Variants in SEMA3D observed in about 807,000 individuals in gnomAD.
The protein encoded by SEMA3D is semaphorin 3D.
In SEMA3D, 84 loss-of-function variants were observed where a neutral mutation model predicts 100.1. That is an observed-to-expected ratio of 0.84 (90% confidence interval 0.70 to 1.01). SEMA3D has a LOEUF of 1.01. SEMA3D is among the 50% of genes least tolerant of loss of function. The pLI, the probability that SEMA3D is intolerant of heterozygous loss-of-function variation, is 0.00. For missense variants in SEMA3D, 875 were observed against 934.1 expected, an observed-to-expected ratio of 0.94 and a Z score of 0.82; for synonymous variants, 312 against 320.7, an observed-to-expected ratio of 0.97 and a Z score of 0.29.
Position 85,042,300 on chromosome 7 carries a change from A to T in SEMA3D, c.862-15T>A, listed in dbSNP as rs765037411. ...CCTACATCATTCTGACATGAAAAAA[A>T]AAATAAAGATAAATATTTATCAACA... On this transcript the variant is annotated splice_polypyrimidine_tract_variant and intron_variant, in intron 9 of 18. Transcript: ENST00000284136. 1 of 1,542,518 alleles carries T rather than the reference A, an allele frequency of 6.5e-7. No homozygotes were observed. Among genetic ancestry groups the T allele is most frequent in the Non-Finnish European group, 9.0e-7 (1 of 1,117,126 alleles).
chr7:85,106,719 AC>A (rs1321440896), intron 3 of SEMA3D, among the ~76,000 whole-genome samples: 1 of 152,068 alleles, frequency 6.6e-6, no homozygotes, highest in African/African-American at 2.4e-5. Context: ...TAATTAACTC[AC>A]AGTTCCGTAT....
chr7:85,191,306 T>A (rs1168284595), upstream of SEMA3D, among the ~76,000 whole-genome samples: 2 of 152,186 alleles, frequency 1.3e-5, no homozygotes, highest in South Asian at 2.1e-4. Context: ...TTTTTGTGTT[T>A]GATTTGTAAC....
chr7:85,105,864 C>A (rs73377902), intron 3 of SEMA3D, among the ~76,000 whole-genome samples: 6,259 of 152,090 alleles, frequency 0.041, 416 homozygotes, highest in African/African-American at 0.14. Context: ...TGTGTTCTTG[C>A]CAAGACAGGT....
chr7:85,220,973 C>T, the SEMA3D span, among the ~76,000 whole-genome samples: 1 of 152,150 alleles, frequency 6.6e-6, no homozygotes, highest in Non-Finnish European at 1.5e-5. Flanking sequence ...GTAAACTGAA[C>T]TTTATTTTTT....
intron 1 of SEMA3D, chr7:85,167,310 G>T (rs1418265878): frequency 9.1e-6 from 9 of 984,626 alleles, no homozygotes; most frequent in Non-Finnish European, 1.1e-5. Flanking sequence ...GAAATATGCA[G>T]AACAGTCAAG....
At chr7:85,008,078 G>A (rs1789848808) in intron 17 of SEMA3D, among the ~76,000 whole-genome samples, 1 of 151,780 alleles carries the variant, frequency 6.6e-6, no homozygotes, top group Admixed American at 6.6e-5. Context: ...GATTATAGCT[G>A]TGATTTTTAC....
intron 3 of SEMA3D, among the ~76,000 whole-genome samples, chr7:85,114,458 A>T (rs994307327): frequency 6.6e-5 from 10 of 152,176 alleles, no homozygotes; most frequent in African/African-American, 2.4e-4. Context: ...TGAGCAGCAA[A>T]GGATTATCAA....
chr7:85,103,463 G>A (rs751591132), intron 3 of SEMA3D, among the ~76,000 whole-genome samples: 1 of 151,780 alleles, frequency 6.6e-6, no homozygotes. Flanking sequence ...TTCCCCTTGG[G>A]TAAAAGGGTG....
chr7:85,076,790 T>C (rs1400604886), intron 5 of SEMA3D, among the ~76,000 whole-genome samples: 1 of 152,182 alleles, frequency 6.6e-6, no homozygotes, highest in Non-Finnish European at 1.5e-5. Flanking sequence ...GAGATCAGTT[T>C]AGGTCTTAAA....
chr7:84,999,975 G>T (rs183314758), intron 18 of SEMA3D, 110 bp from the exon 19 acceptor site: 2 of 818,696 alleles, frequency 2.4e-6, no homozygotes, highest in Non-Finnish European at 1.9e-6. Context: ...CATATTCATT[G>T]TCTCTCTGTC....
chr7:85,090,035 G>A (rs150981801), intron 4 of SEMA3D, among the ~76,000 whole-genome samples: 26 of 152,202 alleles, frequency 1.7e-4, no homozygotes, highest in Non-Finnish European at 3.2e-4. Context: ...TTACTCTTGC[G>A]GATGGACTTC....
intron 1 of SEMA3D, among the ~76,000 whole-genome samples, chr7:85,171,357 G>A (rs1298738909): frequency 6.6e-6 from 1 of 151,952 alleles, no homozygotes; most frequent in Non-Finnish European, 1.5e-5. Flanking sequence ...GAACAGAACC[G>A]TGGACAAAGA....
the SEMA3D span, among the ~76,000 whole-genome samples, chr7:85,223,330 A>G: frequency 1.3e-5 from 2 of 151,440 alleles, no homozygotes; most frequent in East Asian, 3.9e-4. Flanking sequence ...TTTTGCACCA[A>G]CCTCATAAAA....
chr7:85,008,338 G>A (rs1789857885), intron 17 of SEMA3D, among the ~76,000 whole-genome samples: 1 of 151,788 alleles, frequency 6.6e-6, no homozygotes, highest in South Asian at 2.1e-4. Flanking sequence ...AAAAGTAATA[G>A]TGAGCTCATT....
chr7:85,129,454 T>G (rs868218330), intron 2 of SEMA3D, among the ~76,000 whole-genome samples: 1 of 152,072 alleles, frequency 6.6e-6, no homozygotes, highest in Admixed American at 6.6e-5. Context: ...AAAATTGAAA[T>G]TTTTTTGTTA....
Position 85,075,083 on chromosome 7 carries a change from GAA to G in SEMA3D, c.376-2004_376-2003del, listed in dbSNP as rs530224546. On this transcript the variant is annotated intron_variant, in intron 5 of 18. Coordinates refer to ENST00000284136, the MANE Select transcript of SEMA3D (RefSeq NM_001384900.1). ...CTTTGCGCACTCATGCTCACTTTTTGAAAAGATTTTTATTCCTTGGTTTTTCC... is the reference window on the plus strand; with the variant it reads ...CTTTGCGCACTCATGCTCACTTTTTGAAGATTTTTATTCCTTGGTTTTTCC... 7.1e-3 allele frequency among the ~76,000 whole-genome samples: 1,077 copies of G among 152,134 alleles called. 32 individuals carry two copies. The highest frequency in any genetic ancestry group is 3.6e-3 in the Non-Finnish European group (246 of 67,972).
At chr7:85,085,804 A>T (rs1251111275) in intron 4 of SEMA3D, among the ~76,000 whole-genome samples, 2 of 152,182 alleles carry the variant, frequency 1.3e-5, no homozygotes. Flanking sequence ...TGTCTCAGGG[A>T]CTTGACACTA....
rs541205280 is a variant in SEMA3D at position 85,079,037 on chromosome 7, T to C, written c.375+2480A>G. 3.9e-4 allele frequency among the ~76,000 whole-genome samples: 59 copies of C among 152,308 alleles called. 1 individual carries two copies. In the South Asian group the frequency reaches 0.012, roughly 31 times the overall value. On this transcript the variant is annotated intron_variant, in intron 5 of 18. Transcript: ENST00000284136. ...TTTTGGATCTTATATGGATATTTTA[T>C]AATGTTATGTAAGAGCACAGACCTT...
chr7:85,216,002 G>A, the SEMA3D span, among the ~76,000 whole-genome samples: 1 of 151,884 alleles, frequency 6.6e-6, no homozygotes, highest in Non-Finnish European at 1.5e-5. Flanking sequence ...GGAAAATATT[G>A]GTTCTTTGAG....
Sources: allele counts gnomAD v4.1 joint callset (sites outside exome capture counted in the v4.1 genomes callset), GRCh38; gene constraint gnomAD v4.1.1; transcripts MANE v1.5; gene names NCBI Gene and HGNC (gene_info 2026-07-23, HGNC 2026-07-21).